The following ANKS1B variants were observed in gnomAD, a reference collection of about 807,000 sequenced individuals.
The protein encoded by ANKS1B is ankyrin repeat and sterile alpha motif domain-containing protein 1B.
Under a neutral mutation model 148.3 loss-of-function variants are expected in ANKS1B, and 36 were observed. The observed-to-expected ratio is 0.24, with a 90% CI of 0.19 to 0.32. The LOEUF is 0.32. Among genes scored for constraint, ANKS1B ranks in the 10% least tolerant of loss-of-function variants. The pLI is 1.00. For missense variants in ANKS1B, 1,157 were observed against 1,542.6 expected (o/e 0.75, Z 4.19); for synonymous variants, 542 against 560.8 (o/e 0.97, Z 0.47).
At chr12:98,849,104 ATTGT>A (rs1387051108) in intron 17 of ANKS1B, among the ~76,000 whole-genome samples, 1 of 152,106 alleles carries the variant, frequency 6.6e-6, no homozygotes, top group African/African-American at 2.4e-5. Flanking sequence ...AAGAAAAATG[ATTGT>A]TTGCCATAGA....
intron 17 of ANKS1B, among the ~76,000 whole-genome samples, chr12:98,879,005 T>C (rs925433008): frequency 7.9e-5 from 12 of 152,252 alleles, no homozygotes; most frequent in African/African-American, 2.4e-4. Context: ...GTCTGTGTGA[T>C]TGGCGCCTTC....
intron 17 of ANKS1B, among the ~76,000 whole-genome samples, chr12:98,878,403 A>AAACC (rs1397832155): frequency 1.3e-5 from 2 of 152,072 alleles, no homozygotes; most frequent in Admixed American, 6.6e-5. Context: ...ACAAACAAAC[A>AAACC]AAATGCCCCA....
intron 2 of ANKS1B, among the ~76,000 whole-genome samples, chr12:99,822,744 G>T (rs1173222903): frequency 6.6e-6 from 1 of 152,288 alleles, no homozygotes; most frequent in African/African-American, 2.4e-5. Flanking sequence ...GTGCTGCAAT[G>T]AGCATGCAGG....
At chr12:99,035,650 C>A (rs1413091696) in intron 17 of ANKS1B, among the ~76,000 whole-genome samples, 2 of 152,058 alleles carry the variant, frequency 1.3e-5, no homozygotes, top group Non-Finnish European at 2.9e-5. Context: ...CTTTAGAGGG[C>A]CAAGGGCAAC....
intron 17 of ANKS1B, among the ~76,000 whole-genome samples, chr12:98,832,783 C>T (rs2099329476): frequency 6.6e-6 from 1 of 152,128 alleles, no homozygotes; most frequent in Non-Finnish European, 1.5e-5. Context: ...TTTTATCACA[C>T]TCTAAAAGCA....
At chr12:98,851,224 T>G (rs1441140868) in intron 17 of ANKS1B, among the ~76,000 whole-genome samples, 1 of 152,220 alleles carries the variant, frequency 6.6e-6, no homozygotes, top group Non-Finnish European at 1.5e-5. Flanking sequence ...CAGGACATAC[T>G]TATTGCTTTG....
intron 9 of ANKS1B, among the ~76,000 whole-genome samples, chr12:99,592,008 G>A (rs924641424): frequency 2.0e-5 from 3 of 152,022 alleles, no homozygotes; most frequent in Admixed American, 2.0e-4. Context: ...TAATGTGTAT[G>A]GTTTATTTAA....
rs1339599817 is a variant in ANKS1B, at chr12:99,315,253, C to A, written c.1757-68389G>T. 9.0e-3 allele frequency among the ~76,000 whole-genome samples: 1,285 copies of A among 143,550 alleles called. 22 individuals are homozygous for A. Among genetic ancestry groups the A allele is most frequent in the African/African-American group, 0.029 (1,124 of 38,410 alleles). 94.2% of individuals were successfully genotyped at this position (143,550 alleles called of 152,430 possible). On this transcript the variant is annotated intron_variant, in intron 12 of 26. Coordinates refer to ENST00000683438, the MANE Select transcript of ANKS1B (RefSeq NM_001352186.2). The stretch of plus-strand genomic sequence containing the variant: ...GACTTCATCTCAAAAAAAAAAAAAA[C>A]AAAAAACCTATCAGAGCAAACAGGC...
intron 14 of ANKS1B, among the ~76,000 whole-genome samples, chr12:99,208,628 G>T (rs188009507): frequency 2.0e-5 from 3 of 152,186 alleles, no homozygotes; most frequent in Admixed American, 2.0e-4. Flanking sequence ...ATAATGTTAA[G>T]GTCATACCAT....
At chr12:99,778,716 C>G (rs765080715) in intron 6 of ANKS1B, among the ~76,000 whole-genome samples, 12 of 152,036 alleles carry the variant, frequency 7.9e-5, no homozygotes, top group Non-Finnish European at 1.2e-4. Flanking sequence ...TTGTAATTAA[C>G]TTCTTTATTG....
At chr12:99,673,699 G>A (rs1359061865) in intron 8 of ANKS1B, among the ~76,000 whole-genome samples, 2 of 151,656 alleles carry the variant, frequency 1.3e-5, no homozygotes, top group Admixed American at 1.3e-4. Context: ...ATTACAACTT[G>A]CCAAGAGACA....
chr12:98,812,800 C>T (rs766775265), intron 19 of ANKS1B, among the ~76,000 whole-genome samples: 2 of 152,082 alleles, frequency 1.3e-5, no homozygotes, highest in South Asian at 2.1e-4. Flanking sequence ...TGGTCTCAAA[C>T]GCCTGGCCTC....
At chr12:99,345,883 G>A (rs946368139) in intron 12 of ANKS1B, among the ~76,000 whole-genome samples, 7 of 151,852 alleles carry the variant, frequency 4.6e-5, no homozygotes, top group South Asian at 2.1e-4. Context: ...CTTTGTGCAC[G>A]GATAACCTTC....
At chr12:99,559,937 G>A (rs1281514231) in intron 9 of ANKS1B, among the ~76,000 whole-genome samples, 6 of 152,146 alleles carry the variant, frequency 3.9e-5, no homozygotes, top group South Asian at 4.1e-4. Context: ...TGAATTAAAA[G>A]TAAGACCTAA....
chr12:99,552,964 T>C (rs1247891918), intron 9 of ANKS1B, among the ~76,000 whole-genome samples: 2 of 152,170 alleles, frequency 1.3e-5, no homozygotes, highest in African/African-American at 4.8e-5. Context: ...TCCAAATGTT[T>C]TCCACCCATG....
chr12:98,819,900 A>C (rs2099170345), intron 19 of ANKS1B, among the ~76,000 whole-genome samples: 1 of 152,190 alleles, frequency 6.6e-6, no homozygotes, highest in Non-Finnish European at 1.5e-5. Context: ...TACAGAAAGG[A>C]GGTCATATCA....
intron 9 of ANKS1B, among the ~76,000 whole-genome samples, chr12:99,548,539 T>C (rs2153156159): frequency 6.6e-6 from 1 of 152,212 alleles, no homozygotes; most frequent in South Asian, 2.1e-4. Context: ...GTAATGTTAT[T>C]ATTAATAATA....
chr12:99,353,031 C>T (rs896378160), intron 12 of ANKS1B, among the ~76,000 whole-genome samples: 2 of 152,046 alleles, frequency 1.3e-5, no homozygotes, highest in Non-Finnish European at 2.9e-5. Context: ...GTTATCCCCA[C>T]AAGTTTCACT....
At chr12:98,971,643 T>C (rs2099883214) in intron 17 of ANKS1B, among the ~76,000 whole-genome samples, 1 of 152,202 alleles carries the variant, frequency 6.6e-6, no homozygotes. Context: ...GTGTCTTCTA[T>C]ACTTTGTAGA....
Sources: gnomAD v4.1 joint callset for allele counts (sites outside exome capture counted in the v4.1 genomes callset) on GRCh38, gnomAD v4.1.1 for gene constraint, MANE v1.5 for transcripts, NCBI Gene and HGNC (gene_info 2026-07-23, HGNC 2026-07-21) for gene names.